TMEM132B: variants seen among roughly 807,000 people sequenced by gnomAD.
TMEM132B encodes transmembrane protein 132B.
A neutral mutation model predicts 90.8 loss-of-function variants in TMEM132B; 18 were observed. The observed-to-expected ratio is 0.20, with a 90% CI of 0.14 to 0.29. The LOEUF is 0.29. TMEM132B is among the 10% of genes least tolerant of loss of function. The probability of loss-of-function intolerance (pLI) is 1.00; values close to 1 mark genes in which losing one functional copy is unlikely to be tolerated. For missense variants in TMEM132B, 1,096 were observed against 1,326.8 expected (o/e 0.83, Z 2.70); for synonymous variants, 504 against 523.3 (o/e 0.96, Z 0.50).
chr12:125,304,089 T>C (rs1427186116), intron 1 of TMEM132B, among the ~76,000 whole-genome samples: 3 of 152,222 alleles, frequency 2.0e-5, no homozygotes, highest in Non-Finnish European at 2.9e-5. Context: ...TTAGTTAGAT[T>C]CTTATAAGGA....
chr12:125,328,977 T>C (rs1876681041), intron 1 of TMEM132B, among the ~76,000 whole-genome samples: 1 of 152,184 alleles, frequency 6.6e-6, no homozygotes, highest in South Asian at 2.1e-4. Flanking sequence ...TAATGGATAC[T>C]GAATGAACCC....
chr12:125,546,245 C>T lies in TMEM132B; in HGVS notation c.1293+26620C>T, dbSNP rs781395213. 1.4e-4 allele frequency among the ~76,000 whole-genome samples: 21 copies of T among 151,876 alleles called. No individual in the cohort carries two copies. In the East Asian group the frequency reaches 1.9e-3, roughly 14 times the overall value. ...TCACCCAGGCTGGAGTACAGTGGCACGATCTCAGCTCACTGCAAGCTCCGC... is the reference window on the plus strand; with the variant it reads ...TCACCCAGGCTGGAGTACAGTGGCATGATCTCAGCTCACTGCAAGCTCCGC... On this transcript the variant is annotated intron_variant, in intron 4 of 8. Transcript: ENST00000682704.
intron 6 of TMEM132B, among the ~76,000 whole-genome samples, chr12:125,645,263 A>G (rs1886734544): frequency 6.7e-6 from 1 of 149,722 alleles, no homozygotes; most frequent in Admixed American, 6.7e-5. Context: ...CATGATCCCC[A>G]TCTCCTGCTT....
intron 3 of TMEM132B, among the ~76,000 whole-genome samples, chr12:125,423,005 G>A (rs1269154965): frequency 6.6e-6 from 1 of 152,146 alleles, no homozygotes; most frequent in African/African-American, 2.4e-5. Context: ...CCCAATCCTG[G>A]ATGCCCATCA....
chr12:125,215,563 A>G (rs1873414854), intron 1 of TMEM132B, among the ~76,000 whole-genome samples: 1 of 151,506 alleles, frequency 6.6e-6, no homozygotes, highest in Non-Finnish European at 1.5e-5. Context: ...TTTTTTTGAG[A>G]TGGAGTCTCG....
At chr12:125,371,386 A>C (rs548312232) in intron 2 of TMEM132B, among the ~76,000 whole-genome samples, 5 of 152,150 alleles carry the variant, frequency 3.3e-5, no homozygotes, top group African/African-American at 9.7e-5. Flanking sequence ...GACAGGGAGG[A>C]AGGAGGGCAT....
At chr12:125,606,926 A>T (rs999231518) in intron 5 of TMEM132B, among the ~76,000 whole-genome samples, 1 of 152,128 alleles carries the variant, frequency 6.6e-6, no homozygotes, top group African/African-American at 2.4e-5. Context: ...CCCCAAACCA[A>T]TCAGTGTGGT....
At chr12:125,237,224 G>C (rs549233357) in intron 1 of TMEM132B, among the ~76,000 whole-genome samples, 1 of 152,106 alleles carries the variant, frequency 6.6e-6, no homozygotes, top group Non-Finnish European at 1.5e-5. Flanking sequence ...GCATCCTGGG[G>C]CCGTCACCAG....
chr12:125,462,667 C>T (rs535771388), intron 3 of TMEM132B, among the ~76,000 whole-genome samples: 28 of 152,214 alleles, frequency 1.8e-4, no homozygotes, highest in Admixed American at 2.6e-4. Context: ...TGGTTGAACT[C>T]GGAGTAGATG....
chr12:125,600,116 T>G (rs1042345794), intron 5 of TMEM132B, among the ~76,000 whole-genome samples: 1 of 152,172 alleles, frequency 6.6e-6, no homozygotes, highest in Non-Finnish European at 1.5e-5. Flanking sequence ...GAAAATTAAC[T>G]GAAAATAAAT....
intron 4 of TMEM132B, among the ~76,000 whole-genome samples, chr12:125,532,278 G>A (rs1313922976): frequency 6.6e-6 from 1 of 152,128 alleles, no homozygotes; most frequent in Non-Finnish European, 1.5e-5. Flanking sequence ...GGAATTCCAG[G>A]GGCTTCAGCG....
chr12:125,276,557 A>G lies in TMEM132B; in HGVS notation c.68-72895A>G, dbSNP rs573847184. Among the ~76,000 whole-genome samples, 8 of 152,300 alleles carry G rather than the reference A, an allele frequency of 5.3e-5. No individual in the cohort carries two copies. In the South Asian group the frequency reaches 6.2e-4, roughly 12 times the overall value. On this transcript the variant is annotated intron_variant, in intron 1 of 8. Transcript: ENST00000682704. ...TGTCTGGGGGTGTCCGTCAAGGCTGAATGGCTGGAGTGGAGTTGGGAATGA... is the reference window on the plus strand; with the variant it reads ...TGTCTGGGGGTGTCCGTCAAGGCTGGATGGCTGGAGTGGAGTTGGGAATGA...
intron 2 of TMEM132B, among the ~76,000 whole-genome samples, chr12:125,396,127 G>A (rs1879162092): frequency 6.6e-6 from 1 of 152,210 alleles, no homozygotes; most frequent in South Asian, 2.1e-4. Flanking sequence ...GACTGAGTGT[G>A]AGTGTGGCTC....
At chr12:125,366,293 GT>G (rs2136261051) in intron 2 of TMEM132B, among the ~76,000 whole-genome samples, 1 of 152,200 alleles carries the variant, frequency 6.6e-6, no homozygotes, top group East Asian at 1.9e-4. Context: ...GGACACTTAG[GT>G]TGATTCCATA....
intron 1 of TMEM132B, among the ~76,000 whole-genome samples, chr12:125,326,951 G>A (rs1276030892): frequency 6.6e-6 from 1 of 151,962 alleles, no homozygotes; most frequent in Non-Finnish European, 1.5e-5. Context: ...GAGGCACAGG[G>A]TCTCCCTGCC....
chr12:125,536,372 C>G (rs755438702), intron 4 of TMEM132B, among the ~76,000 whole-genome samples: 10 of 152,280 alleles, frequency 6.6e-5, no homozygotes, highest in Non-Finnish European at 1.0e-4. Flanking sequence ...TCTGTTGGCT[C>G]CAGGGGTGAT....
chr12:125,245,328 A>C, intron 1 of TMEM132B, among the ~76,000 whole-genome samples: 1 of 140,394 alleles, frequency 7.1e-6, no homozygotes, highest in Admixed American at 7.3e-5. Flanking sequence ...GGCCCCCACC[A>C]TGCCTGCCAG....
intron 1 of TMEM132B, among the ~76,000 whole-genome samples, chr12:125,189,302 TAC>T (rs1229691736): frequency 2.0e-5 from 3 of 152,212 alleles, no homozygotes; most frequent in Non-Finnish European, 2.9e-5. Context: ...GCGGTGCAGT[TAC>T]AGTCCCTGCT....
At chr12:125,323,522 T>A (rs548320936) in intron 1 of TMEM132B, among the ~76,000 whole-genome samples, 68 of 151,986 alleles carry the variant, frequency 4.5e-4, no homozygotes, top group Non-Finnish European at 7.1e-4. Flanking sequence ...TGTTTGTTTG[T>A]TTGTTTGTTT....
Sources: allele counts gnomAD v4.1 joint callset (sites outside exome capture counted in the v4.1 genomes callset), GRCh38; gene constraint gnomAD v4.1.1; transcripts MANE v1.5; gene names NCBI Gene and HGNC (gene_info 2026-07-23, HGNC 2026-07-21).